Variants in STAP2 observed in about 807,000 individuals in gnomAD.
STAP2 encodes the protein signal transducing adaptor family member 2.
STAP2 carries 58 observed loss-of-function variants against 52.7 expected under a neutral mutation model. The ratio of observed to expected loss-of-function variants is 1.10; its 90% CI spans 0.89 to 1.37. The LOEUF is 1.37. Among genes scored for constraint, STAP2 ranks in the 40% most tolerant of loss-of-function variants. The pLI is 0.00. For synonymous variants in STAP2, 231 were observed against 210.5 expected (o/e 1.10, Z -0.84); for missense variants, 522 against 519.4 (o/e 1.00, Z -0.05).
chr19:4,324,567 C>T (rs57455784), intron 11 of STAP2, 38 bp from the exon 12 acceptor site: 117,116 of 1,551,326 alleles, frequency 0.075, 4,934 homozygotes, highest in African/African-American at 0.15. Flanking sequence ...TGTGGTGGCT[C>T]ACGCCGGTAA....
chr19:4,326,806 G>A, intron 9 of STAP2, 136 bp downstream of exon 9: 2 of 1,161,032 alleles, frequency 1.7e-6, no homozygotes, highest in Non-Finnish European at 1.2e-6. Flanking sequence ...TGACGGCAGG[G>A]TCTGAGTCAT....
chr19:4,330,901 G>A (rs764923178), intron 4 of STAP2, among the ~76,000 whole-genome samples: 13 of 151,750 alleles, frequency 8.6e-5, no homozygotes, highest in Non-Finnish European at 1.6e-4. Context: ...TTTTAGTAGA[G>A]ACAGGGTTTC....
At chr19:4,329,871 T>A in intron 5 of STAP2, 90 bp downstream of exon 5, 1 of 508,746 alleles carries the variant, frequency 2.0e-6, no homozygotes, top group Admixed American at 3.5e-5. Context: ...AAGACCCAAC[T>A]CCAGGGGACC....
At chr19:4,324,398 A>G (rs1971748558) in intron 12 of STAP2, 57 bp downstream of exon 12, 2 of 1,460,858 alleles carry the variant, frequency 1.4e-6, no homozygotes, top group East Asian at 4.9e-5. Context: ...GACTTGTGTG[A>G]CTGTACGGTC....
chr19:4,330,170 T>A, intron 4 of STAP2, 109 bp from the exon 5 acceptor site: 1 of 801,714 alleles, frequency 1.2e-6, no homozygotes, highest in Non-Finnish European at 2.1e-6. Context: ...CAATGAACTC[T>A]GACACCTTAG....
chr19:4,332,761 G>A (rs945039987), intron 3 of STAP2, among the ~76,000 whole-genome samples: 4 of 152,040 alleles, frequency 2.6e-5, no homozygotes, highest in East Asian at 3.9e-4. Flanking sequence ...CCGGGAGGTC[G>A]AGGCTGCAGT....
chr19:4,334,884 CCTACTCAT>C (rs1971954394), intron 1 of STAP2, among the ~76,000 whole-genome samples: 1 of 116,800 alleles, frequency 8.6e-6, no homozygotes, highest in Non-Finnish European at 1.9e-5. Context: ...CATCCATCCA[CCTACTCAT>C]CCATCCATCC....
intron 5 of STAP2, chr19:4,329,141 T>C (rs1971846430): frequency 3.3e-6 from 1 of 299,160 alleles, no homozygotes; most frequent in Non-Finnish European, 6.2e-6. Flanking sequence ...ATTTTTGTAT[T>C]TTTAGTAGAG....
chr19:4,334,855 A>G (rs1568388641), intron 1 of STAP2, among the ~76,000 whole-genome samples: 452 of 40,648 alleles, frequency 0.011, 7 homozygotes, highest in Middle Eastern at 0.024. Flanking sequence ...CCATCCACTC[A>G]TCTATCAATG....
rs777934276 is a variant in STAP2 at position 4,327,316 on chromosome 19, C to A, written c.660G>T (p.Pro220=). 3.1e-6 allele frequency: 5 copies of A among 1,614,120 alleles called. No homozygotes were observed. Among genetic ancestry groups the A allele is most frequent in the Non-Finnish European group, 8.5e-7 (1 of 1,179,992 alleles). ...CTAGGGACTCTGGCCCAACGCTCAC[C>A]GGCTGTTCCACATCGATCACGTACT... The part of the protein sequence containing the change: ...GPKYVIDVEQ[P]FSCTSLDAVV... Residue 220 remains proline (P), a splice_region_variant and synonymous_variant, in exon 7 of 13, where the codon CCG becomes CCT. Coordinates refer to ENST00000594605, the MANE Select transcript of STAP2 (RefSeq NM_001013841.2).
At chr19:4,326,815 A>C in intron 9 of STAP2, 127 bp downstream of exon 9, 17 of 1,248,290 alleles carry the variant, frequency 1.4e-5, no homozygotes, top group Non-Finnish European at 1.8e-5. Context: ...GGTCTGAGTC[A>C]TTTCTGTCCC....
At chr19:4,328,601 T>G in intron 6 of STAP2, 74 bp downstream of exon 6, 2 of 1,530,744 alleles carry the variant, frequency 1.3e-6, no homozygotes, top group Non-Finnish European at 1.8e-6. Flanking sequence ...CCGCCCCTGC[T>G]TCTGACCACG....
intron 5 of STAP2, 27 bp downstream of exon 5, chr19:4,329,934 G>A (rs1486177350): frequency 3.1e-6 from 5 of 1,591,206 alleles, no homozygotes; most frequent in Non-Finnish European, 4.3e-6. Flanking sequence ...CCATCCTGCA[G>A]CCCCTCGGGA....
chr19:4,326,833 T>TC, intron 9 of STAP2, 109 bp downstream of exon 9: 1 of 1,364,176 alleles, frequency 7.3e-7, no homozygotes. Context: ...CCCTGCAACT[T>TC]TGGGAACATC....
At chr19:4,333,483 G>A (rs966882625) in intron 3 of STAP2, among the ~76,000 whole-genome samples, 3 of 152,120 alleles carry the variant, frequency 2.0e-5, no homozygotes, top group African/African-American at 7.2e-5. Context: ...GTGACAGGGC[G>A]AGACTTGGTC....
At chr19:4,326,820 T>A in intron 9 of STAP2, 122 bp downstream of exon 9, 1 of 1,284,024 alleles carries the variant, frequency 7.8e-7, no homozygotes, top group African/African-American at 1.5e-5. Flanking sequence ...GAGTCATTTC[T>A]GTCCCTGCAA....
intron 6 of STAP2, 107 bp downstream of exon 6, chr19:4,328,568 C>G: frequency 6.9e-7 from 1 of 1,442,206 alleles, no homozygotes; most frequent in Non-Finnish European, 9.3e-7. Flanking sequence ...CGTCCCCTGG[C>G]CTACCCACTA....
intron 4 of STAP2, among the ~76,000 whole-genome samples, chr19:4,331,803 G>A (rs2144788732): frequency 6.6e-6 from 1 of 151,048 alleles, no homozygotes; most frequent in East Asian, 2.0e-4. Context: ...GTGGTGGCGG[G>A]CTTCTGTAAT....
chr19:4,326,528 G>C (rs1971795008), intron 9 of STAP2, among the ~76,000 whole-genome samples: 2 of 151,950 alleles, frequency 1.3e-5, no homozygotes, highest in African/African-American at 4.8e-5. Flanking sequence ...CCGGATTCTC[G>C]GTCCCTGTGG....
Sources: gnomAD v4.1 joint callset for allele counts (sites outside exome capture counted in the v4.1 genomes callset) on GRCh38, gnomAD v4.1.1 for gene constraint, MANE v1.5 for transcripts, NCBI Gene and HGNC (gene_info 2026-07-23, HGNC 2026-07-21) for gene names.